Variants in TMEM131 observed in about 807,000 individuals in gnomAD.
TMEM131 encodes the protein 2610524E03Rik.
TMEM131 carries 66 observed loss-of-function variants against 211.6 expected under a neutral mutation model. That is an observed-to-expected ratio of 0.31 (90% CI 0.26 to 0.38). The LOEUF is 0.38. Among genes scored for constraint, TMEM131 ranks in the 10% least tolerant of loss-of-function variants. The pLI, the probability that TMEM131 is intolerant of heterozygous loss-of-function variation, is 1.00. For missense variants in TMEM131, 2,036 were observed against 2,299.3 expected (o/e 0.89, Z 2.34); for synonymous variants, 844 against 841.3 (o/e 1.00, Z -0.06).
rs139539959 is a variant in TMEM131 at position 97,837,357 on chromosome 2, G to A, written c.724-200C>T. ...TAGTTGTATTTTTAATTAAAATAAGGTAACTTTGAAAATTTAACTTAGAAA... is the reference window on the plus strand; with the variant it reads ...TAGTTGTATTTTTAATTAAAATAAGATAACTTTGAAAATTTAACTTAGAAA... On this transcript the variant is annotated intron_variant, in intron 7 of 40. Transcript: ENST00000186436. Among the ~76,000 whole-genome samples, 31 of 152,264 alleles carry A rather than the reference G, an allele frequency of 2.0e-4. 2 individuals carry two copies. The East Asian group carries it at 6.0e-3, about 29-fold the overall frequency.
chr2:97,809,817 T>C (rs1241320308), intron 18 of TMEM131, 43 bp from the exon 19 acceptor site: 9 of 1,462,510 alleles, frequency 6.2e-6, no homozygotes, highest in East Asian at 2.4e-5. Flanking sequence ...AGTTAAGACT[T>C]AGCCTGATCT....
chr2:97,843,587 A>AC (rs947330725), intron 6 of TMEM131, among the ~76,000 whole-genome samples: 3 of 152,106 alleles, frequency 2.0e-5, no homozygotes, highest in Non-Finnish European at 2.9e-5. Flanking sequence ...TGATCCTCCC[A>AC]CCTTGGCCTC....
At chr2:97,913,982 G>A (rs1422048033) in intron 2 of TMEM131, among the ~76,000 whole-genome samples, 1 of 152,128 alleles carries the variant, frequency 6.6e-6, no homozygotes, top group Non-Finnish European at 1.5e-5. Context: ...CCAGGACTGG[G>A]TTGGGGGAAG....
At chr2:97,974,715 G>GA (rs921915520) in intron 1 of TMEM131, among the ~76,000 whole-genome samples, 154 of 140,056 alleles carry the variant, frequency 1.1e-3, no homozygotes, top group Middle Eastern at 3.8e-3. Context: ...AAAAGAAAAA[G>GA]AAAAAAAAAA....
chr2:97,799,924 G>A (rs1238852345), intron 25 of TMEM131, among the ~76,000 whole-genome samples: 1 of 151,908 alleles, frequency 6.6e-6, no homozygotes, highest in Non-Finnish European at 1.5e-5. Flanking sequence ...ATTAAGTCAG[G>A]GAGCCAGCCA....
chr2:97,796,426 A>G (rs1680765655), intron 27 of TMEM131, 22 bp from the exon 28 acceptor site: 6 of 1,421,004 alleles, frequency 4.2e-6, no homozygotes, highest in Non-Finnish European at 5.7e-6. Context: ...AAAATCAGGA[A>G]TAAGACTAAA....
chr2:97,765,952 G>A (rs922313797), intron 35 of TMEM131, among the ~76,000 whole-genome samples, 162 bp downstream of exon 35: 2 of 152,070 alleles, frequency 1.3e-5, no homozygotes, highest in East Asian at 1.9e-4. Context: ...TTCAACCTAC[G>A]GCAGTTTAGC....
intron 1 of TMEM131, among the ~76,000 whole-genome samples, chr2:97,963,934 T>C (rs1490766270): frequency 6.6e-6 from 1 of 152,246 alleles, no homozygotes; most frequent in Non-Finnish European, 1.5e-5. Context: ...AATTAATATT[T>C]GGAAGAATAA....
intron 2 of TMEM131, among the ~76,000 whole-genome samples, chr2:97,925,744 A>C (rs1286205087): frequency 4.6e-5 from 7 of 152,204 alleles, no homozygotes; most frequent in Non-Finnish European, 8.8e-5. Flanking sequence ...AAACAAGTCT[A>C]ATCTTTTTGG....
At chr2:97,991,418 T>C (rs1680261148) in intron 1 of TMEM131, among the ~76,000 whole-genome samples, 1 of 151,994 alleles carries the variant, frequency 6.6e-6, no homozygotes, top group Non-Finnish European at 1.5e-5. Flanking sequence ...CAAAAGAGGA[T>C]GTAACAGGCA....
At chr2:97,817,825 T>TA (rs1301274779) in intron 12 of TMEM131, among the ~76,000 whole-genome samples, 3 of 152,206 alleles carry the variant, frequency 2.0e-5, no homozygotes, top group Non-Finnish European at 4.4e-5. Flanking sequence ...AGCTGAGCTT[T>TA]ACTATGTGGA....
intron 2 of TMEM131, chr2:97,912,954 G>A (rs1176262172): frequency 7.2e-5 from 11 of 152,178 alleles, no homozygotes; most frequent in African/African-American, 2.4e-4. Context: ...TTTATAAAAC[G>A]AACACATCTG....
In TMEM131 at chr2:97,805,614, C is replaced by T; in HGVS notation, c.2145G>A (p.Val715=). 1 of 1,611,696 alleles carries T rather than the reference C, an allele frequency of 6.2e-7. No individual in the cohort carries two copies. The highest frequency in any genetic ancestry group is 2.2e-5 in the East Asian group (1 of 44,798). The change falls in exon 20 of 41, where the codon GTG becomes GTA. Residue 715 remains valine (V), a synonymous_variant. Coordinates refer to ENST00000186436, the MANE Select transcript of TMEM131 (RefSeq NM_015348.2). The stretch of plus-strand genomic sequence containing the variant: ...CCCGTAATCGTTTATAGTAAAATCG[C>T]ACATCTTCTGACAAAGATCGTATTT... The part of the protein sequence containing the change: ...IQQIRSLSED[V]RFYYKRLRGN...
chr2:97,882,072 CA>C (rs2104211142), intron 4 of TMEM131, among the ~76,000 whole-genome samples: 1 of 152,316 alleles, frequency 6.6e-6, no homozygotes, highest in East Asian at 1.9e-4. Context: ...TCAAGTTTCA[CA>C]AAAAGAACCT....
At chr2:97,793,993 C>CAAAAAAAA (rs1169823016) in intron 29 of TMEM131, among the ~76,000 whole-genome samples, 11 of 54,428 alleles carry the variant, frequency 2.0e-4, no homozygotes, top group Admixed American at 9.4e-4. Flanking sequence ...GACTCTGTCT[C>CAAAAAAAA]AAAAAAAAAA....
At position 97,995,466 on chromosome 2, in the gene TMEM131, G is replaced by A; in HGVS notation, c.187+10C>T. On this transcript the variant is annotated intron_variant, in intron 1 of 40. Transcript: ENST00000186436. ...GCCCCGCCGCAGGGACGCCGCCGGG[G>A]GACACCCACCTTCCTTCTCGGCCCG... The A allele has an allele frequency of 2.2e-6, 3 of 1,390,268 alleles. No homozygotes were observed. Among genetic ancestry groups the A allele is most frequent in the Non-Finnish European group, 9.4e-7 (1 of 1,066,932 alleles). 86.1% of individuals were successfully genotyped at this position (1,390,268 alleles called of 1,614,324 possible). A position where few individuals can be genotyped will look rare whatever the true frequency, so the allele number is the denominator to read the frequency against.
intron 5 of TMEM131, among the ~76,000 whole-genome samples, chr2:97,848,270 C>T (rs1188775031): frequency 1.3e-5 from 2 of 152,178 alleles, no homozygotes; most frequent in African/African-American, 2.4e-5. Context: ...CAAAACAATC[C>T]TCAATCCATA....
intron 25 of TMEM131, among the ~76,000 whole-genome samples, chr2:97,799,436 TG>T (rs1376571834): frequency 6.6e-6 from 1 of 152,246 alleles, no homozygotes; most frequent in Non-Finnish European, 1.5e-5. Context: ...GCTTTTCTCA[TG>T]GAACACCGTT....
chr2:97,835,085 C>T (rs1265988429), intron 8 of TMEM131, among the ~76,000 whole-genome samples, 160 bp from the exon 9 acceptor site: 1 of 152,158 alleles, frequency 6.6e-6, no homozygotes, highest in Non-Finnish European at 1.5e-5. Flanking sequence ...ACACACACTC[C>T]ATTTCTGGAG....
Sources: gnomAD v4.1 joint callset for allele counts (sites outside exome capture counted in the v4.1 genomes callset) on GRCh38, gnomAD v4.1.1 for gene constraint, MANE v1.5 for transcripts, NCBI Gene and HGNC (gene_info 2026-07-23, HGNC 2026-07-21) for gene names.